The following PRKG1 variants were observed in gnomAD, a reference collection of about 807,000 sequenced individuals.
PRKG1 encodes the protein cGMP-dependent protein kinase 1.
Under a neutral mutation model 88.1 loss-of-function variants are expected in PRKG1, and 35 were observed. That is an observed-to-expected ratio of 0.40 (90% CI 0.30 to 0.53). The LOEUF is 0.53. Ranked by LOEUF, PRKG1 falls within the 20% of genes least tolerant of loss-of-function variation. The pLI, the probability that PRKG1 is intolerant of heterozygous loss-of-function variation, is 0.59. For missense variants in PRKG1, 540 were observed against 839.8 expected (o/e 0.64, Z 4.41); for synonymous variants, 303 against 292.5 (o/e 1.04, Z -0.37).
At chr10:51,957,480 A>G (rs1843343253) in intron 5 of PRKG1, among the ~76,000 whole-genome samples, 2 of 151,736 alleles carry the variant, frequency 1.3e-5, no homozygotes, top group Admixed American at 6.6e-5. Context: ...TTCTGTAGAG[A>G]CAGGTTCTCT....
At chr10:51,999,269 G>A (rs1406071914) in intron 5 of PRKG1, among the ~76,000 whole-genome samples, 1 of 152,140 alleles carries the variant, frequency 6.6e-6, no homozygotes, top group Non-Finnish European at 1.5e-5. Context: ...GCGTTACATT[G>A]TCCGGGACAG....
At chr10:52,174,572 A>C (rs1838803833) in intron 9 of PRKG1, among the ~76,000 whole-genome samples, 1 of 152,076 alleles carries the variant, frequency 6.6e-6, no homozygotes, top group Non-Finnish European at 1.5e-5. Context: ...TTAAAAAACC[A>C]AAGAGATAGT....
intron 2 of PRKG1, chr10:51,320,251 A>G (rs1166101276): frequency 6.0e-6 from 1 of 165,616 alleles, no homozygotes; most frequent in Non-Finnish European, 1.4e-5. Context: ...CTCTTATGTA[A>G]GTGACAATGA....
chr10:51,107,955 T>C (rs1268001758), intron 1 of PRKG1, among the ~76,000 whole-genome samples: 1 of 151,874 alleles, frequency 6.6e-6, no homozygotes, highest in East Asian at 1.9e-4. Flanking sequence ...AATAAGGAAA[T>C]TTTTTGAACA....
At chr10:51,366,513 C>T (rs1395805277) in intron 2 of PRKG1, among the ~76,000 whole-genome samples, 5 of 151,936 alleles carry the variant, frequency 3.3e-5, no homozygotes, top group Non-Finnish European at 7.4e-5. Flanking sequence ...TACTTATTTA[C>T]TCTTTTCTAT....
At chr10:51,698,976 G>A in intron 3 of PRKG1, 1 of 1,614,228 alleles carries the variant, frequency 6.2e-7, no homozygotes, top group Non-Finnish European at 8.5e-7. Flanking sequence ...ATCTTCCGAT[G>A]CAGAATTTTC....
chr10:52,032,767 A>G (rs1845502713), intron 5 of PRKG1, among the ~76,000 whole-genome samples: 1 of 152,202 alleles, frequency 6.6e-6, no homozygotes, highest in South Asian at 2.1e-4. Context: ...GGGCTTCCAC[A>G]GTAACCACGT....
At chr10:51,201,738 G>A (rs1263897430) in intron 2 of PRKG1, among the ~76,000 whole-genome samples, 1 of 152,110 alleles carries the variant, frequency 6.6e-6, no homozygotes, top group Non-Finnish European at 1.5e-5. Flanking sequence ...GCCATGTGAG[G>A]ATACAACAGA....
At chr10:51,255,279 G>A (rs1345747907) in intron 2 of PRKG1, among the ~76,000 whole-genome samples, 2 of 152,032 alleles carry the variant, frequency 1.3e-5, no homozygotes, top group African/African-American at 4.8e-5. Context: ...CTAGGTTTAA[G>A]CAATTGATTT....
chr10:51,351,074 G>A (rs1842233379), intron 2 of PRKG1, among the ~76,000 whole-genome samples: 1 of 152,082 alleles, frequency 6.6e-6, no homozygotes, highest in Non-Finnish European at 1.5e-5. Context: ...TCATGTCCCT[G>A]CAAAGGACAT....
chr10:52,199,094 CT>C (rs5784911), intron 9 of PRKG1, among the ~76,000 whole-genome samples: 151,248 of 151,880 alleles, frequency 1, 75,312 homozygotes, highest in Middle Eastern at 1. Context: ...CTTGCTCTTT[CT>C]TTTTTTTTCC....
At chr10:51,610,419 A>G (rs1157434383) in intron 3 of PRKG1, among the ~76,000 whole-genome samples, 1 of 152,180 alleles carries the variant, frequency 6.6e-6, no homozygotes, top group Non-Finnish European at 1.5e-5. Flanking sequence ...TATTTCCCTT[A>G]ACATAATGAC....
chr10:51,768,521 C>T (rs1838226285), intron 3 of PRKG1, among the ~76,000 whole-genome samples: 1 of 152,118 alleles, frequency 6.6e-6, no homozygotes. Flanking sequence ...TTTTATAGGA[C>T]ATGCTGATGG....
intron 7 of PRKG1, among the ~76,000 whole-genome samples, chr10:52,132,335 A>C (rs895136549): frequency 5.1e-5 from 7 of 136,684 alleles, no homozygotes; most frequent in African/African-American, 2.0e-4. Context: ...AATATCATCA[A>C]GGAATTTCTC....
intron 1 of PRKG1, among the ~76,000 whole-genome samples, chr10:51,057,282 T>C (rs1000142661): frequency 1.3e-5 from 2 of 152,254 alleles, no homozygotes; most frequent in African/African-American, 4.8e-5. Flanking sequence ...AGTTGATTGT[T>C]GATTGTGTAA....
chr10:51,410,238 ATG>A (rs762105037), intron 2 of PRKG1, among the ~76,000 whole-genome samples: 162 of 143,570 alleles, frequency 1.1e-3, no homozygotes, highest in South Asian at 5.2e-3. Context: ...GTGTGTGTGT[ATG>A]TGTGTGTGTG....
chr10:51,840,163 G>C (rs962718619), intron 4 of PRKG1, among the ~76,000 whole-genome samples: 1 of 152,162 alleles, frequency 6.6e-6, no homozygotes, highest in African/African-American at 2.4e-5. Flanking sequence ...TTGTTACCCA[G>C]AACAGTGGTG....
intron 4 of PRKG1, among the ~76,000 whole-genome samples, chr10:51,903,203 C>G (rs1589406129): frequency 6.6e-6 from 1 of 151,852 alleles, no homozygotes; most frequent in Non-Finnish European, 1.5e-5. Context: ...AAATGAGAGA[C>G]TATAGAGAGG....
chr10:51,295,349 C>A (rs1840692493), intron 2 of PRKG1, among the ~76,000 whole-genome samples: 1 of 151,824 alleles, frequency 6.6e-6, no homozygotes, highest in South Asian at 2.1e-4. Context: ...AAGTCTTTTG[C>A]CTCTTAAGTT....
Sources: allele counts gnomAD v4.1 joint callset (sites outside exome capture counted in the v4.1 genomes callset), GRCh38; gene constraint gnomAD v4.1.1; transcripts MANE v1.5; gene names NCBI Gene and HGNC (gene_info 2026-07-23, HGNC 2026-07-21).